Variants in SLC37A2 observed in about 807,000 individuals in gnomAD.
SLC37A2 encodes the protein solute carrier family 37 member 2, also known as glucose-6-phosphate exchanger SLC37A2.
SLC37A2 carries 59 observed loss-of-function variants against 70.7 expected under a neutral mutation model. The observed-to-expected ratio is 0.83, with a 90% CI of 0.68 to 1.04. The LOEUF (loss-of-function observed/expected upper bound fraction) is 1.04, where lower values mean the gene tolerates loss of function less well. Ranked by LOEUF, SLC37A2 falls within the 50% of genes least tolerant of loss-of-function variation. The pLI is 0.00. For missense variants in SLC37A2, 580 were observed against 658.1 expected (o/e 0.88, Z 1.30); for synonymous variants, 257 against 262.1 (o/e 0.98, Z 0.19).
At chr11:125,084,424 T>G in intron 12 of SLC37A2, 105 bp downstream of exon 12, 1 of 1,164,078 alleles carries the variant, frequency 8.6e-7, no homozygotes, top group Middle Eastern at 1.9e-4. Context: ...GATGTCGCTG[T>G]GTACGCGTGC....
chr11:125,067,958 G>C (rs1230127295), intron 1 of SLC37A2, among the ~76,000 whole-genome samples: 3 of 152,146 alleles, frequency 2.0e-5, no homozygotes, highest in Non-Finnish European at 4.4e-5. Context: ...TCTCATTCAT[G>C]TATATTAGTT....
In SLC37A2 at chr11:125,084,245, G is replaced by T; in HGVS notation, c.1051G>T (p.Ala351Ser). The T allele has an allele frequency of 6.2e-7, 1 of 1,614,212 alleles. No individual in the cohort carries two copies. The highest frequency in any genetic ancestry group is 8.5e-7 in the Non-Finnish European group (1 of 1,180,036). Reference protein sequence around the residue: ...DVGGIIGGIVAGLVSDYTNGR... With the variant: ...DVGGIIGGIVSGLVSDYTNGR... ...GCTGTGTGTTCCAGGCGGCATCGTG[G>T]CAGGGCTCGTCTCTGACTACACCAA... Residue 351 changes from alanine to serine, a missense_variant, in exon 12 of 18, where the codon GCA (alanine) becomes TCA (serine). By Grantham distance (99) the Ala-to-Ser change is moderately conservative. Transcript: ENST00000403796.
At chr11:125,065,067 T>C (rs1014584872) in intron 1 of SLC37A2, among the ~76,000 whole-genome samples, 3 of 152,250 alleles carry the variant, frequency 2.0e-5, no homozygotes, top group Non-Finnish European at 4.4e-5. Context: ...ACTGAAATTA[T>C]CTTCATAGGT....
chr11:125,078,707 C>T (rs892574901), intron 4 of SLC37A2, among the ~76,000 whole-genome samples: 5 of 151,930 alleles, frequency 3.3e-5, no homozygotes, highest in African/African-American at 4.8e-5. Flanking sequence ...TTAAATGCCC[C>T]GGGGGCATCC....
chr11:125,077,496 C>T lies in SLC37A2; in HGVS notation c.282C>T (p.Phe94=). The T allele has an allele frequency of 6.2e-7, 1 of 1,613,964 alleles. No individual in the cohort carries two copies. Among genetic ancestry groups the T allele is most frequent in the East Asian group, 2.2e-5 (1 of 44,878 alleles). The stretch of plus-strand genomic sequence containing the variant: ...TACTAGGGGGCGTGGACAACGCCTT[C>T]CTCATCGCCTATGCCATCGGCATGT... ...KELLGGVDNA[F]LIAYAIGMFI... The change falls in exon 4 of 18, where the codon TTC becomes TTT. Residue 94 remains phenylalanine (F), a synonymous_variant. Transcript: ENST00000403796.
chr11:125,067,218 A>G (rs867747301), intron 1 of SLC37A2, among the ~76,000 whole-genome samples: 4 of 152,222 alleles, frequency 2.6e-5, no homozygotes, highest in Middle Eastern at 3.4e-3. Context: ...GCCTAAAGCC[A>G]TCCTCCTACC....
At chr11:125,084,447 G>T in intron 12 of SLC37A2, 128 bp downstream of exon 12, 1 of 964,282 alleles carries the variant, frequency 1.0e-6, no homozygotes. Context: ...ATGCATCATT[G>T]TGCACACACG....
chr11:125,071,025 G>A (rs1041647466), intron 1 of SLC37A2, among the ~76,000 whole-genome samples: 1 of 152,286 alleles, frequency 6.6e-6, no homozygotes, highest in South Asian at 2.1e-4. Context: ...CTGGGGTCAG[G>A]GTTGACAGTC....
chr11:125,075,336 G>A (rs1342775246), intron 1 of SLC37A2, among the ~76,000 whole-genome samples: 1 of 152,228 alleles, frequency 6.6e-6, no homozygotes, highest in Non-Finnish European at 1.5e-5. Flanking sequence ...GGTGGAACCC[G>A]GAAAACATTG....
chr11:125,082,700 T>A (rs1308431272), intron 10 of SLC37A2, among the ~76,000 whole-genome samples: 1 of 152,084 alleles, frequency 6.6e-6, no homozygotes, highest in Non-Finnish European at 1.5e-5. Context: ...AGGGAAGGCC[T>A]GCCTGCTAGA....
In SLC37A2 at chr11:125,090,298, T is replaced by C. The variant is rs1949271788; in HGVS notation, c.*2164T>C. 1 of 152,142 alleles carries C rather than the reference T, an allele frequency of 6.6e-6. No homozygotes were observed. Among genetic ancestry groups the C allele is most frequent in the South Asian group, 2.1e-4 (1 of 4,820 alleles). The allele number at this position is 152,142 out of a possible 1,614,324, so 9.4% of individuals were successfully genotyped here. On this transcript the variant is annotated 3_prime_UTR_variant, in exon 18 of 18. Transcript: ENST00000403796. ...GAAACTCTGTATCTAACTAATCTGATGGGGACGTGGAGAACCTTTGTATCT... is the reference window on the plus strand; with the variant it reads ...GAAACTCTGTATCTAACTAATCTGACGGGGACGTGGAGAACCTTTGTATCT...
chr11:125,085,852 TCC>T lies in SLC37A2; in HGVS notation c.1426-98_1426-97del. ...CCCTTGCCAAGTGGCAGCGTGTCTC[TCC>T]CCCTTCTCCACTGCCAGTCCACGGG... is the stretch of plus-strand genomic sequence containing the variant. On this transcript the variant is annotated intron_variant, in intron 16 of 17. Transcript: ENST00000403796. 3 of 1,284,624 alleles carry T rather than the reference TCC, an allele frequency of 2.3e-6. No homozygotes were observed. In the East Asian group the frequency reaches 7.0e-5, roughly 30 times the overall value. The allele number at this position is 1,284,624 out of a possible 1,614,324, so 79.6% of individuals were successfully genotyped here. A position where few individuals can be genotyped will look rare whatever the true frequency, so the allele number is the denominator to read the frequency against.
In SLC37A2 at chr11:125,080,745, T is replaced by G; in HGVS notation, c.659T>G (p.Val220Gly). ...SFIVPGIITA[V>G]MGVITFLFLI... ...ATCGTGCCTGGCATCATTACTGCCG[T>G]CATGGGCGTCATCACCTTCCTCTTC... Residue 220 changes from valine to glycine, a missense_variant, in exon 7 of 18, where the codon GTC (valine) becomes GGC (glycine). Coordinates refer to ENST00000403796, the MANE Select transcript of SLC37A2 (RefSeq NM_001145290.2). The surrounding 1 kb of genome is among the most constrained non-coding windows in gnomAD (Gnocchi z 4.3). The G allele has an allele frequency of 6.5e-7, 1 of 1,532,220 alleles. No individual in the cohort carries two copies. Among genetic ancestry groups the G allele is most frequent in the Non-Finnish European group, 8.8e-7 (1 of 1,136,044 alleles). The allele number at this position is 1,532,220 out of a possible 1,614,324, so 94.9% of individuals were successfully genotyped here.
In SLC37A2 at chr11:125,076,737, G is replaced by A. The variant is rs1183873879; in HGVS notation, c.60-20G>A. 1.2e-6 allele frequency: 2 copies of A among 1,613,628 alleles called. No homozygotes were observed. The highest frequency in any genetic ancestry group is 1.7e-5 in the Admixed American group (1 of 60,024). ...CTGGGGCTGACTTCCCACTAACGCA[G>A]ATGCTGTCCCTTCCTGCAGGTTCCG... On this transcript the variant is annotated intron_variant, in intron 1 of 17. Coordinates refer to ENST00000403796, the MANE Select transcript of SLC37A2 (RefSeq NM_001145290.2).
At chr11:125,069,609 G>C (rs921488011) in intron 1 of SLC37A2, among the ~76,000 whole-genome samples, 1 of 152,226 alleles carries the variant, frequency 6.6e-6, no homozygotes, top group Non-Finnish European at 1.5e-5. Context: ...TGGATCTGGA[G>C]GTGTTCTGAG....
Position 125,063,403 on chromosome 11 carries a change from C to CT in SLC37A2, c.36_37insT (p.Arg13SerfsTer51). ...CCCTGGCTCCGGGAGTCTGGTTCTT[C>CT]CGGGCCTTCTCCAGGGACAGCTGGT... On this transcript the variant is annotated frameshift_variant, in exon 1 of 18. Coordinates refer to ENST00000403796, the MANE Select transcript of SLC37A2 (RefSeq NM_001145290.2). LOFTEE classifies it high-confidence loss of function. The surrounding 1 kb of genome is among the most constrained non-coding windows in gnomAD (Gnocchi z 5.4). 6.2e-7 allele frequency: 1 copy of CT among 1,611,988 alleles called. No homozygotes were observed. The highest frequency in any genetic ancestry group is 1.1e-5 in the South Asian group (1 of 90,518).
chr11:125,072,337 A>G (rs186760074), intron 1 of SLC37A2, among the ~76,000 whole-genome samples: 130 of 152,290 alleles, frequency 8.5e-4, no homozygotes, highest in African/African-American at 2.9e-3. Context: ...CAACCTCCCT[A>G]TCTAACTTGG....
chr11:125,083,627 A>C lies in SLC37A2; in HGVS notation c.977-188A>C, dbSNP rs970667972. Among the ~76,000 whole-genome samples, 6 of 152,150 alleles carry C rather than the reference A, an allele frequency of 3.9e-5. No individual in the cohort carries two copies. The highest frequency in any genetic ancestry group is 6.5e-5 in the Admixed American group (1 of 15,282). ...AAGAGGGCAACACAGGACGGGACCA[A>C]GAGGGCGTCTATCCAAACTGCTGCA... is the stretch of plus-strand genomic sequence containing the variant. On this transcript the variant is annotated intron_variant, in intron 10 of 17. Transcript: ENST00000403796. The surrounding 1 kb of genome is among the most constrained non-coding windows in gnomAD (Gnocchi z 4.6).
At chr11:125,064,528 A>G (rs1591624677) in intron 1 of SLC37A2, among the ~76,000 whole-genome samples, 1 of 152,050 alleles carries the variant, frequency 6.6e-6, no homozygotes, top group Non-Finnish European at 1.5e-5. Flanking sequence ...AACCCTCTCA[A>G]TCCTGGGCAA....
Sources: allele counts gnomAD v4.1 joint callset (sites outside exome capture counted in the v4.1 genomes callset), GRCh38; gene constraint gnomAD v4.1.1; non-coding constraint Gnocchi (gnomAD v3.1); transcripts MANE v1.5; gene names NCBI Gene and HGNC (gene_info 2026-07-23, HGNC 2026-07-21).